Variants in ACVR1C observed in about 807,000 individuals in gnomAD.
ACVR1C encodes the protein activin A receptor type 1C.
ACVR1C carries 23 observed loss-of-function variants against 57.9 expected under a neutral mutation model. The observed-to-expected ratio is 0.40, with a 90% CI of 0.29 to 0.56. The LOEUF (loss-of-function observed/expected upper bound fraction) is 0.56. Ranked by LOEUF, ACVR1C falls within the 20% of genes least tolerant of loss-of-function variation. The pLI, the probability that ACVR1C is intolerant of heterozygous loss-of-function variation, is 0.50. For missense variants in ACVR1C, 480 were observed against 607.9 expected, an observed-to-expected ratio of 0.79 and a Z score of 2.21; for synonymous variants, 214 against 215.3, an observed-to-expected ratio of 0.99 and a Z score of 0.05.
chr2:157,542,762 A>G lies in ACVR1C; in HGVS notation c.1044T>C (p.His348=), dbSNP rs748778958. The G allele has an allele frequency of 1.2e-6, 2 of 1,614,164 alleles. No homozygotes were observed. The highest frequency in any genetic ancestry group is 1.7e-6 in the Non-Finnish European group (2 of 1,180,004). Residue 348 remains histidine (H), a synonymous_variant, in exon 6 of 9, where the codon CAT becomes CAC. Coordinates refer to ENST00000243349, the MANE Select transcript of ACVR1C (RefSeq NM_145259.3). ...AIADLGLAVK[H]DSILNTIDIP... ...TGTCGATAGTGTTCAGTATTGAATC[A>G]TGCTTCACAGCCAACCCTAAGTCCG...
At chr2:157,534,825 A>T (rs1260323584) in intron 8 of ACVR1C, among the ~76,000 whole-genome samples, 1 of 152,138 alleles carries the variant, frequency 6.6e-6, no homozygotes, top group Admixed American at 6.5e-5. Flanking sequence ...GATCGCATGT[A>T]ATAGAGAGTA....
At chr2:157,591,539 C>T (rs1689054729) in intron 1 of ACVR1C, among the ~76,000 whole-genome samples, 1 of 152,006 alleles carries the variant, frequency 6.6e-6, no homozygotes, top group Non-Finnish European at 1.5e-5. Flanking sequence ...TGTTAAGAAA[C>T]TTGCTGCACT....
intron 1 of ACVR1C, among the ~76,000 whole-genome samples, chr2:157,625,347 A>C (rs1386242923): frequency 2.6e-5 from 4 of 152,094 alleles, no homozygotes; most frequent in Non-Finnish European, 5.9e-5. Flanking sequence ...TTTTTGTATG[A>C]GTTTAGCAAT....
chr2:157,544,433 G>C lies in ACVR1C; in HGVS notation c.943+12C>G, dbSNP rs747319089. ...ATTCAAAGTGGAAAAAAAATGAAAAGGAAATACATACCTTGTGTACCAACA... is the reference window on the plus strand; with the variant it reads ...ATTCAAAGTGGAAAAAAAATGAAAACGAAATACATACCTTGTGTACCAACA... On this transcript the variant is annotated intron_variant, in intron 5 of 8. Coordinates refer to ENST00000243349, the MANE Select transcript of ACVR1C (RefSeq NM_145259.3). The C allele has an allele frequency of 3.1e-6, 5 of 1,593,560 alleles. No homozygotes were observed. In the Admixed American group the frequency reaches 9.0e-5, roughly 29 times the overall value.
At chr2:157,552,633 G>C (rs1687949959) in intron 3 of ACVR1C, among the ~76,000 whole-genome samples, 1 of 152,182 alleles carries the variant, frequency 6.6e-6, no homozygotes, top group Non-Finnish European at 1.5e-5. Flanking sequence ...CAAATGGATG[G>C]AGAGCTAGAT....
chr2:157,622,599 A>G (rs550358560), intron 1 of ACVR1C, among the ~76,000 whole-genome samples: 1 of 152,278 alleles, frequency 6.6e-6, no homozygotes, highest in East Asian at 1.9e-4. Flanking sequence ...ATCTCTTACT[A>G]TATACAAAAA....
Position 157,582,161 on chromosome 2 carries a change from A to AT in ACVR1C, c.304+5025dup, listed in dbSNP as rs200503073. Among the ~76,000 whole-genome samples, 45 of 150,702 alleles carry AT rather than the reference A, an allele frequency of 3.0e-4. No individual in the cohort carries two copies. In the East Asian group the frequency reaches 5.1e-3, roughly 17 times the overall value. On this transcript the variant is annotated intron_variant, in intron 2 of 8. Coordinates refer to ENST00000243349, the MANE Select transcript of ACVR1C (RefSeq NM_145259.3). ...TGTAGGACCCCATCTCAAAAAAATA[A>AT]TTTTTTTTTTGAAATTAGCCAGATG...
At chr2:157,545,335 C>A (rs886292090) in intron 4 of ACVR1C, among the ~76,000 whole-genome samples, 8 of 152,164 alleles carry the variant, frequency 5.3e-5, no homozygotes. Flanking sequence ...GGGAAAGGAT[C>A]TATAATGAAC....
chr2:157,544,793 A>G (rs923401449), intron 4 of ACVR1C, among the ~76,000 whole-genome samples, 181 bp from the exon 5 acceptor site: 2 of 152,246 alleles, frequency 1.3e-5, no homozygotes, highest in Non-Finnish European at 2.9e-5. Flanking sequence ...AGATATTGAT[A>G]TGTTGGAACT....
intron 2 of ACVR1C, among the ~76,000 whole-genome samples, chr2:157,584,263 C>T (rs536374995): frequency 4.4e-4 from 67 of 151,838 alleles, no homozygotes; most frequent in Non-Finnish European, 6.6e-4. Flanking sequence ...CCACCATGCC[C>T]GGCTAATTTT....
At chr2:157,596,925 G>A (rs1016908609) in intron 1 of ACVR1C, among the ~76,000 whole-genome samples, 4 of 152,174 alleles carry the variant, frequency 2.6e-5, no homozygotes, top group South Asian at 2.1e-4. Context: ...GGTAAACTGA[G>A]TCAGGGACAC....
intron 2 of ACVR1C, among the ~76,000 whole-genome samples, chr2:157,573,954 G>A (rs1312223415): frequency 6.6e-6 from 1 of 152,124 alleles, no homozygotes; most frequent in Admixed American, 6.5e-5. Flanking sequence ...ATTGATAGTG[G>A]GAACTCTAGG....
rs573016720 is a variant in ACVR1C, at chr2:157,613,327, C to T, written c.73+15245G>A. 2.6e-5 allele frequency among the ~76,000 whole-genome samples: 4 copies of T among 152,312 alleles called. 1 individual carries two copies. The South Asian group carries it at 8.3e-4, about 32-fold the overall frequency. On this transcript the variant is annotated intron_variant, in intron 1 of 8. Transcript: ENST00000243349. ...TAATGTCCCTAGTCAGCCATCTTAA[C>T]TCCTCTATACTTTAAATAATCTCTA... is the stretch of plus-strand genomic sequence containing the variant.
chr2:157,537,826 C>T (rs1687525343), intron 8 of ACVR1C, among the ~76,000 whole-genome samples: 1 of 152,184 alleles, frequency 6.6e-6, no homozygotes, highest in Non-Finnish European at 1.5e-5. Flanking sequence ...AAATCTCTAT[C>T]TTCACATAAG....
intron 2 of ACVR1C, among the ~76,000 whole-genome samples, chr2:157,576,746 C>T (rs2105246088): frequency 6.7e-6 from 1 of 150,360 alleles, no homozygotes; most frequent in East Asian, 2.0e-4. Flanking sequence ...TCCTCCTTGT[C>T]TACACTTTGG....
At chr2:157,597,267 G>A (rs2105135438) in intron 1 of ACVR1C, 1 of 854,726 alleles carries the variant, frequency 1.2e-6, no homozygotes. Context: ...AACACTCACT[G>A]CCCTGATGGA....
chr2:157,621,996 C>G (rs775950004), intron 1 of ACVR1C, among the ~76,000 whole-genome samples: 2 of 152,132 alleles, frequency 1.3e-5, no homozygotes, highest in Non-Finnish European at 2.9e-5. Context: ...TTCTAGATGT[C>G]ACCTCTTAAC....
At chr2:157,564,540 G>A (rs780991766) in intron 2 of ACVR1C, among the ~76,000 whole-genome samples, 11 of 152,140 alleles carry the variant, frequency 7.2e-5, no homozygotes, top group South Asian at 2.1e-4. Flanking sequence ...TGTAGAAGAC[G>A]GTGTGGCAAT....
Position 157,534,000 on chromosome 2 carries a change from G to A in ACVR1C, c.1400C>T (p.Ala467Val). Residue 467 changes from alanine to valine, a missense_variant, in exon 9 of 9, where the codon GCC becomes GTC. Physicochemically the swap from Ala to Val is moderately conservative, Grantham distance 64 (BLOSUM62 0). Transcript: ENST00000243349. The stretch of plus-strand genomic sequence containing the variant: ...AGCAGTTAGGCGGGCCGCTCCGTTG[G>A]CATACCAACACTCACGCATTATTCT... ...MGRIMRECWY[A>V]NGAARLTALR... 2 of 1,593,608 alleles carry A rather than the reference G, an allele frequency of 1.3e-6. No individual in the cohort carries two copies. The highest frequency in any genetic ancestry group is 1.7e-6 in the Non-Finnish European group (2 of 1,171,536).
Sources: gnomAD v4.1 joint callset for allele counts (sites outside exome capture counted in the v4.1 genomes callset) on GRCh38, gnomAD v4.1.1 for gene constraint, MANE v1.5 for transcripts, NCBI Gene and HGNC (gene_info 2026-07-23, HGNC 2026-07-21) for gene names.